The following ASTN2 variants were observed in gnomAD, a reference collection of about 807,000 sequenced individuals.
ASTN2 encodes the protein astrotactin-2.
ASTN2 carries 54 observed loss-of-function variants against 139.8 expected under a neutral mutation model. That is an observed-to-expected ratio of 0.39 (90% CI 0.31 to 0.48). ASTN2 has a LOEUF of 0.48. Among genes scored for constraint, ASTN2 ranks in the 20% least tolerant of loss-of-function variants. The pLI, the probability that ASTN2 is intolerant of heterozygous loss-of-function variation, is 0.95. For missense variants in ASTN2, 1,565 were observed against 1,725.1 expected, an observed-to-expected ratio of 0.91 and a Z score of 1.64; for synonymous variants, 756 against 719.5, an observed-to-expected ratio of 1.05 and a Z score of -0.81.
At chr9:116,829,705 A>T (rs1308967683) in intron 11 of ASTN2, among the ~76,000 whole-genome samples, 2 of 152,130 alleles carry the variant, frequency 1.3e-5, no homozygotes, top group African/African-American at 2.4e-5. Flanking sequence ...CCCATGATAC[A>T]ATCACCTCCT....
At chr9:116,688,581 G>A (rs939800416) in intron 16 of ASTN2, among the ~76,000 whole-genome samples, 1 of 152,254 alleles carries the variant, frequency 6.6e-6, no homozygotes, top group East Asian at 1.9e-4. Flanking sequence ...ATTAAACAAA[G>A]ATCCGTTATC....
intron 10 of ASTN2, among the ~76,000 whole-genome samples, chr9:116,893,633 A>C (rs1171755186): frequency 6.6e-6 from 1 of 152,096 alleles, no homozygotes; most frequent in Admixed American, 6.6e-5. Context: ...GCCTGCATGG[A>C]GTGAGCACTC....
chr9:117,142,909 C>G (rs4837007), intron 3 of ASTN2, among the ~76,000 whole-genome samples: 31,199 of 152,084 alleles, frequency 0.21, 3,651 homozygotes, highest in Middle Eastern at 0.33. Context: ...GTTTGAGCTA[C>G]CTGCTGTCTG....
Position 116,698,044 on chromosome 9 carries a change from G to A in ASTN2, c.2806+27727C>T, listed in dbSNP as rs758882829. 3.8e-5 allele frequency: 62 copies of A among 1,613,858 alleles called. No individual in the cohort carries two copies. The highest frequency in any genetic ancestry group is 2.0e-4 in the East Asian group (9 of 44,874). On this transcript the variant is annotated intron_variant, in intron 16 of 22. Transcript: ENST00000313400. The surrounding 1 kb of genome is among the most constrained non-coding windows in gnomAD (Gnocchi z 4.4). ...GAGGCTGTGGGGCTGCTCATGTGTC[G>A]GTCCTGTGGGCGGCGTCTGCCCCGG...
chr9:117,204,581 C>A (rs1831849433), intron 3 of ASTN2, among the ~76,000 whole-genome samples: 2 of 152,146 alleles, frequency 1.3e-5, no homozygotes, highest in South Asian at 4.1e-4. Context: ...AAAGTAATCA[C>A]AACCAGCTTT....
chr9:116,590,146 A>G (rs958901883), intron 19 of ASTN2, among the ~76,000 whole-genome samples: 1 of 152,098 alleles, frequency 6.6e-6, no homozygotes, highest in African/African-American at 2.4e-5. Context: ...AGCCCCACCC[A>G]CTTCCAAGTT....
intron 19 of ASTN2, among the ~76,000 whole-genome samples, chr9:116,496,308 G>A (rs1171258581): frequency 2.6e-5 from 4 of 152,116 alleles, no homozygotes; most frequent in Admixed American, 1.3e-4. Flanking sequence ...TATCTGTTGT[G>A]TGCTTCAAAC....
intron 22 of ASTN2, among the ~76,000 whole-genome samples, chr9:116,426,605 G>C (rs1847317017): frequency 6.6e-6 from 1 of 152,158 alleles, no homozygotes. Flanking sequence ...GTCAGCCACT[G>C]GAGTTGGGAA....
At chr9:117,003,929 G>T (rs1837268888) in intron 7 of ASTN2, among the ~76,000 whole-genome samples, 1 of 144,800 alleles carries the variant, frequency 6.9e-6, no homozygotes, top group Admixed American at 6.7e-5. Context: ...CCTAGAATTT[G>T]TGTTTCTTTC....
intron 3 of ASTN2, among the ~76,000 whole-genome samples, chr9:117,191,286 C>A (rs1831341872): frequency 6.8e-6 from 1 of 146,766 alleles, no homozygotes; most frequent in Non-Finnish European, 1.5e-5. Flanking sequence ...ATGAAGCAGT[C>A]ATGAGATAGA....
intron 10 of ASTN2, among the ~76,000 whole-genome samples, chr9:116,871,290 A>G (rs1409585842): frequency 6.6e-6 from 1 of 152,190 alleles, no homozygotes; most frequent in East Asian, 1.9e-4. Context: ...AAAATAAAAA[A>G]TCCAGCTCAG....
At chr9:117,126,854 A>G (rs754779341) in intron 4 of ASTN2, among the ~76,000 whole-genome samples, 7 of 152,198 alleles carry the variant, frequency 4.6e-5, no homozygotes, top group Non-Finnish European at 1.0e-4. Flanking sequence ...CTAGATTTCC[A>G]TTGCAGTCTC....
intron 19 of ASTN2, among the ~76,000 whole-genome samples, chr9:116,588,106 G>A (rs1564136263): frequency 6.6e-6 from 1 of 152,168 alleles, no homozygotes; most frequent in Non-Finnish European, 1.5e-5. Flanking sequence ...GCCAGCTGGA[G>A]AATGAGGCAC....
intron 10 of ASTN2, among the ~76,000 whole-genome samples, chr9:116,929,182 A>G (rs972234449): frequency 1.3e-5 from 2 of 152,186 alleles, no homozygotes; most frequent in African/African-American, 2.4e-5. Flanking sequence ...ACCTGGAAGG[A>G]CTAATAGGAC....
chr9:116,780,888 G>C (rs1237965241), intron 13 of ASTN2, among the ~76,000 whole-genome samples: 3 of 149,138 alleles, frequency 2.0e-5, no homozygotes, highest in Admixed American at 6.7e-5. Flanking sequence ...TACCCAGGCT[G>C]GAGTGCAATG....
At chr9:116,547,609 C>G (rs1026884395) in intron 19 of ASTN2, 1 of 152,196 alleles carries the variant, frequency 6.6e-6, no homozygotes, top group African/African-American at 2.4e-5. Context: ...GCAAACCAAT[C>G]ATTTTTACCC....
chr9:116,674,071 A>C (rs1164354275), intron 16 of ASTN2, among the ~76,000 whole-genome samples: 2 of 152,178 alleles, frequency 1.3e-5, no homozygotes, highest in Non-Finnish European at 2.9e-5. Flanking sequence ...TTGCCTGGGG[A>C]CTAGATTGCC....
intron 2 of ASTN2, among the ~76,000 whole-genome samples, chr9:117,262,433 G>A (rs980368795): frequency 3.4e-5 from 5 of 147,536 alleles, no homozygotes; most frequent in Non-Finnish European, 7.5e-5. Flanking sequence ...TATCTCCTTA[G>A]CATCCTTTCC....
At chr9:116,508,369 C>T (rs1850205127) in intron 19 of ASTN2, among the ~76,000 whole-genome samples, 1 of 152,192 alleles carries the variant, frequency 6.6e-6, no homozygotes. Context: ...CCCAGTTCCA[C>T]AGCCTGCAAG....
Sources: allele counts gnomAD v4.1 joint callset (sites outside exome capture counted in the v4.1 genomes callset), GRCh38; gene constraint gnomAD v4.1.1; non-coding constraint Gnocchi (gnomAD v3.1); transcripts MANE v1.5; gene names NCBI Gene and HGNC (gene_info 2026-07-23, HGNC 2026-07-21).